ARHGAP32: variants seen among roughly 807,000 people sequenced by gnomAD.
ARHGAP32 encodes the protein rho GTPase-activating protein 32.
Under a neutral mutation model 186.5 loss-of-function variants are expected in ARHGAP32, and 51 were observed. That is an observed-to-expected ratio of 0.27 (90% CI 0.22 to 0.35). The LOEUF (loss-of-function observed/expected upper bound fraction) is 0.35, where lower values mean the gene tolerates loss of function less well. Among genes scored for constraint, ARHGAP32 ranks in the 10% least tolerant of loss-of-function variants. ARHGAP32 has a pLI of 1.00. For missense variants in ARHGAP32, 2,186 were observed against 2,623.5 expected, an observed-to-expected ratio of 0.83 and a Z score of 3.64; for synonymous variants, 950 against 964.3, an observed-to-expected ratio of 0.99 and a Z score of 0.27.
chr11:129,030,611 A>T (rs1939070384), intron 11 of ARHGAP32: 1 of 152,174 alleles, frequency 6.6e-6, no homozygotes, highest in Non-Finnish European at 1.5e-5. Flanking sequence ...TATATCTGTT[A>T]ACAAAAAAAA....
chr11:129,126,009 A>G, intron 2 of ARHGAP32: 1 of 436,294 alleles, frequency 2.3e-6, no homozygotes, highest in Non-Finnish European at 4.5e-6. Flanking sequence ...ATCTTGTCTT[A>G]TTTTTCCTCT....
chr11:129,224,872 G>C (rs1328088534), intron 1 of ARHGAP32, among the ~76,000 whole-genome samples: 1 of 151,906 alleles, frequency 6.6e-6, no homozygotes, highest in Admixed American at 6.6e-5. Context: ...AACACTCTAG[G>C]AGGCTGAACC....
intron 2 of ARHGAP32, among the ~76,000 whole-genome samples, chr11:129,162,477 G>T (rs911993553): frequency 6.6e-6 from 1 of 152,102 alleles, no homozygotes; most frequent in Admixed American, 6.5e-5. Context: ...TGTTGAGTGT[G>T]AAATGACTGA....
chr11:129,239,743 C>CTAACCT (rs1944989561), intron 1 of ARHGAP32, among the ~76,000 whole-genome samples: 1 of 152,122 alleles, frequency 6.6e-6, no homozygotes, highest in Non-Finnish European at 1.5e-5. Context: ...CCACCTGTGT[C>CTAACCT]TACTCTCACG....
intron 1 of ARHGAP32, among the ~76,000 whole-genome samples, chr11:129,255,555 G>A (rs1355093137): frequency 3.3e-5 from 5 of 151,946 alleles, no homozygotes; most frequent in Non-Finnish European, 7.4e-5. Flanking sequence ...TTAAGACCTA[G>A]GCCTCAAAAG....
intron 1 of ARHGAP32, among the ~76,000 whole-genome samples, chr11:129,268,664 CAAAAAAAAAAA>C (rs58858606): frequency 1.8e-3 from 84 of 46,400 alleles, no homozygotes; most frequent in Non-Finnish European, 2.4e-3. Flanking sequence ...GCCTCCTCAC[CAAAAAAAAAAA>C]AAAAAAAAAA....
intron 5 of ARHGAP32, among the ~76,000 whole-genome samples, chr11:129,105,415 G>A (rs565399675): frequency 1.9e-4 from 29 of 152,282 alleles, no homozygotes; most frequent in African/African-American, 6.3e-4. Context: ...AGCTTCGCTA[G>A]GTGTTGAATG....
chr11:129,227,769 G>A (rs1381614195), intron 1 of ARHGAP32, among the ~76,000 whole-genome samples: 1 of 152,050 alleles, frequency 6.6e-6, no homozygotes, highest in African/African-American at 2.4e-5. Flanking sequence ...GATTTCAGAG[G>A]ACAAATAGAC....
intron 15 of ARHGAP32, among the ~76,000 whole-genome samples, chr11:128,985,022 C>A (rs1312409928): frequency 6.6e-6 from 1 of 151,964 alleles, no homozygotes; most frequent in East Asian, 1.9e-4. Flanking sequence ...ACAGAAACCA[C>A]AATTAGAATT....
intron 2 of ARHGAP32, chr11:129,126,030 A>G (rs1395799343): frequency 2.3e-6 from 1 of 441,626 alleles, no homozygotes; most frequent in South Asian, 1.7e-5. Flanking sequence ...ATCTTGAAAC[A>G]AAGTTACTTC....
chr11:129,275,733 A>G (rs1945521937), intron 1 of ARHGAP32, among the ~76,000 whole-genome samples: 1 of 152,230 alleles, frequency 6.6e-6, no homozygotes, highest in Admixed American at 6.5e-5. Flanking sequence ...ACAAAACTTT[A>G]CTGAAGGACA....
chr11:129,272,196 C>T (rs1282363708), intron 1 of ARHGAP32, among the ~76,000 whole-genome samples: 4 of 152,188 alleles, frequency 2.6e-5, no homozygotes, highest in African/African-American at 9.7e-5. Context: ...GTGATTTATT[C>T]ATTTAAGGCA....
At chr11:129,202,399 G>T (rs10893991) in intron 1 of ARHGAP32, among the ~76,000 whole-genome samples, 1 of 151,680 alleles carries the variant, frequency 6.6e-6, no homozygotes, top group Non-Finnish European at 1.5e-5. Context: ...AGGATTGAAC[G>T]ACTGAAAAAT....
chr11:129,014,286 CCAG>C (rs1938226026), intron 11 of ARHGAP32, among the ~76,000 whole-genome samples: 1 of 152,118 alleles, frequency 6.6e-6, no homozygotes, highest in African/African-American at 2.4e-5. Context: ...ATACCAATAA[CCAG>C]TTTATAGAGA....
intron 1 of ARHGAP32, among the ~76,000 whole-genome samples, chr11:129,259,164 A>C (rs577834329): frequency 6.6e-6 from 1 of 152,342 alleles, no homozygotes; most frequent in Admixed American, 6.5e-5. Context: ...AAACATCTTC[A>C]TAATTTATTA....
intron 2 of ARHGAP32, among the ~76,000 whole-genome samples, chr11:129,135,066 T>C: frequency 6.6e-6 from 1 of 152,208 alleles, no homozygotes; most frequent in East Asian, 1.9e-4. Context: ...TAAATAGATA[T>C]ATTATACATG....
intron 1 of ARHGAP32, among the ~76,000 whole-genome samples, chr11:129,277,970 T>C (rs975920589): frequency 3.3e-5 from 5 of 152,182 alleles, no homozygotes; most frequent in Non-Finnish European, 4.4e-5. Flanking sequence ...CAACCATAAA[T>C]ACTCAAAAAT....
intron 2 of ARHGAP32, among the ~76,000 whole-genome samples, chr11:129,145,915 T>C (rs902210612): frequency 9.9e-5 from 15 of 152,112 alleles, no homozygotes; most frequent in African/African-American, 3.6e-4. Context: ...GAGGATAGGA[T>C]AGAGACAGAC....
chr11:129,215,488 C>T (rs1944633947), intron 1 of ARHGAP32, among the ~76,000 whole-genome samples: 2 of 152,174 alleles, frequency 1.3e-5, no homozygotes, highest in Admixed American at 1.3e-4. Flanking sequence ...AGTCCAAAAT[C>T]AGTCTCAGTG....
Sources: allele counts gnomAD v4.1 joint callset (sites outside exome capture counted in the v4.1 genomes callset), GRCh38; gene constraint gnomAD v4.1.1; transcripts MANE v1.5; gene names NCBI Gene and HGNC (gene_info 2026-07-23, HGNC 2026-07-21).